CLINT1: variants seen among roughly 807,000 people sequenced by gnomAD.
The protein encoded by CLINT1 is clathrin interacting protein localized in the trans-Golgi region.
A neutral mutation model predicts 70.4 loss-of-function variants in CLINT1; 15 were observed. That is an observed-to-expected ratio of 0.21 (90% CI 0.14 to 0.33). CLINT1 has a LOEUF of 0.33. Ranked by LOEUF, CLINT1 falls within the 10% of genes least tolerant of loss-of-function variation. CLINT1 has a pLI of 1.00. For synonymous variants in CLINT1, 227 were observed against 254.7 expected (o/e 0.89, Z 1.04); for missense variants, 615 against 778.1 (o/e 0.79, Z 2.49).
At chr5:157,850,066 A>G (rs1344702531) in intron 1 of CLINT1, among the ~76,000 whole-genome samples, 1 of 152,174 alleles carries the variant, frequency 6.6e-6, no homozygotes, top group Non-Finnish European at 1.5e-5. Context: ...AACAGAACAG[A>G]GAAAGTGAGG....
chr5:157,858,099 G>A (rs1446578414), intron 1 of CLINT1, among the ~76,000 whole-genome samples: 1 of 152,172 alleles, frequency 6.6e-6, no homozygotes, highest in Non-Finnish European at 1.5e-5. Context: ...AGAGACTAAA[G>A]TTATTTCAGT....
chr5:157,853,777 C>CAAAAAAAA (rs11316474), intron 1 of CLINT1, among the ~76,000 whole-genome samples: 181 of 48,022 alleles, frequency 3.8e-3, no homozygotes, highest in East Asian at 6.5e-3. Context: ...GACACCATCT[C>CAAAAAAAA]AAAAAAAAAA....
At chr5:157,818,032 G>A (rs1470399338) in intron 1 of CLINT1, among the ~76,000 whole-genome samples, 1 of 152,140 alleles carries the variant, frequency 6.6e-6, no homozygotes, top group African/African-American at 2.4e-5. Flanking sequence ...ATCTACAGAT[G>A]TTTAGAACCA....
chr5:157,852,690 T>C (rs1561678859), intron 1 of CLINT1, among the ~76,000 whole-genome samples: 1 of 152,210 alleles, frequency 6.6e-6, no homozygotes. Context: ...AAGATCACCG[T>C]TTCTAGTAGC....
chr5:157,809,602 A>T, intron 6 of CLINT1, 26 bp downstream of exon 6: 1 of 1,570,972 alleles, frequency 6.4e-7, no homozygotes, highest in Non-Finnish European at 8.6e-7. Flanking sequence ...TTTCTAAGAG[A>T]CCCGGGAGAC....
Position 157,786,400 on chromosome 5 carries a change from A to C in CLINT1, c.*1246T>G, listed in dbSNP as rs1761728274. 1 of 152,580 alleles carries C rather than the reference A, an allele frequency of 6.6e-6. No individual in the cohort carries two copies. The highest frequency in any genetic ancestry group is 1.5e-5 in the Non-Finnish European group (1 of 68,008). The allele number at this position is 152,580 out of a possible 1,614,324, so 9.5% of individuals were successfully genotyped here. ...TTCAACATAACATGGGGAGGTAATA[A>C]TTTGATATCTATATTATAGTATTTA... On this transcript the variant is annotated 3_prime_UTR_variant, in exon 12 of 12. Transcript: ENST00000411809.
chr5:157,828,185 A>G lies in CLINT1; in HGVS notation c.42-10638T>C, dbSNP rs140854038. ...TATGACCTGGGCAGATGACAGGCTT[A>G]CAGAAAAACTGTCTCAAGACAGGCT... On this transcript the variant is annotated intron_variant, in intron 1 of 11. Transcript: ENST00000411809. Among the ~76,000 whole-genome samples, 505 of 152,324 alleles carry G rather than the reference A, an allele frequency of 3.3e-3. 2 individuals carry two copies. The highest frequency in any genetic ancestry group is 0.011 in the African/African-American group (466 of 41,572).
chr5:157,853,909 G>A (rs1753663849), intron 1 of CLINT1, among the ~76,000 whole-genome samples: 1 of 151,058 alleles, frequency 6.6e-6, no homozygotes, highest in African/African-American at 2.4e-5. Flanking sequence ...TTAAACTACA[G>A]AAAATTACCC....
intron 1 of CLINT1, among the ~76,000 whole-genome samples, chr5:157,850,650 A>C (rs373626178): frequency 1.3e-5 from 2 of 150,272 alleles, no homozygotes; most frequent in East Asian, 3.9e-4. Context: ...TTATTTAACC[A>C]TGGGGGTTTA....
intron 1 of CLINT1, among the ~76,000 whole-genome samples, chr5:157,824,154 C>T (rs1204578950): frequency 6.6e-6 from 1 of 152,144 alleles, no homozygotes; most frequent in East Asian, 1.9e-4. Context: ...ATGTTTCCAT[C>T]CATAACATTA....
intron 1 of CLINT1, among the ~76,000 whole-genome samples, chr5:157,847,134 C>G (rs772960398): frequency 1.3e-5 from 2 of 152,152 alleles, no homozygotes; most frequent in African/African-American, 4.8e-5. Flanking sequence ...AACTGCCTAG[C>G]TAGTGATTCC....
chr5:157,820,795 G>C (rs571660848), intron 1 of CLINT1, among the ~76,000 whole-genome samples: 14 of 152,226 alleles, frequency 9.2e-5, no homozygotes, highest in African/African-American at 3.4e-4. Context: ...GTTTAATTCT[G>C]AAAACTTCTG....
intron 1 of CLINT1, among the ~76,000 whole-genome samples, chr5:157,828,271 G>A (rs1763100964): frequency 6.6e-6 from 1 of 152,168 alleles, no homozygotes; most frequent in Non-Finnish European, 1.5e-5. Context: ...CAGTAAGACT[G>A]CTGGAGGGGC....
chr5:157,806,600 A>G (rs1047734005), intron 6 of CLINT1, among the ~76,000 whole-genome samples: 7 of 152,184 alleles, frequency 4.6e-5, no homozygotes, highest in African/African-American at 1.7e-4. Context: ...TAAAATAATA[A>G]AAGTTCAATG....
rs577570170 is a variant in CLINT1, at chr5:157,795,150, C to T, written c.1013-178G>A. The T allele has an allele frequency of 5.0e-6, 3 of 601,266 alleles. No individual in the cohort carries two copies. The Admixed American group carries it at 8.9e-5, about 18-fold the overall frequency. The allele number at this position is 601,266 out of a possible 1,614,324, so 37.2% of individuals were successfully genotyped here. On this transcript the variant is annotated intron_variant, in intron 8 of 11. Transcript: ENST00000411809. ...TGTCACTATGTTCCCTATGAGCTAC[C>T]ATAGACTCTTTTCCCTTCCTCAGTC...
intron 5 of CLINT1, 38 bp from the exon 6 acceptor site, chr5:157,809,843 C>T (rs201061703): frequency 4.6e-4 from 723 of 1,570,596 alleles, no homozygotes; most frequent in Non-Finnish European, 5.9e-4. Context: ...ATTCTAACGA[C>T]ATTAAATTCA....
At chr5:157,847,192 C>T (rs1753412253) in intron 1 of CLINT1, among the ~76,000 whole-genome samples, 1 of 152,134 alleles carries the variant, frequency 6.6e-6, no homozygotes, top group African/African-American at 2.4e-5. Flanking sequence ...GGAAAGAATT[C>T]ACCATACTAG....
At chr5:157,857,824 T>C (rs576724681) in intron 1 of CLINT1, among the ~76,000 whole-genome samples, 1 of 152,348 alleles carries the variant, frequency 6.6e-6, no homozygotes, top group South Asian at 2.1e-4. Flanking sequence ...TTCTATCTGA[T>C]GTATCAGACA....
At chr5:157,852,887 C>T (rs929833680) in intron 1 of CLINT1, among the ~76,000 whole-genome samples, 2 of 152,136 alleles carry the variant, frequency 1.3e-5, no homozygotes, top group Non-Finnish European at 2.9e-5. Flanking sequence ...GAAGCGTTAA[C>T]CTGAAAAACA....
Sources: allele counts gnomAD v4.1 joint callset (sites outside exome capture counted in the v4.1 genomes callset), GRCh38; gene constraint gnomAD v4.1.1; transcripts MANE v1.5; gene names NCBI Gene and HGNC (gene_info 2026-07-23, HGNC 2026-07-21).